The following COL11A1 variants were observed in gnomAD, a reference collection of about 807,000 sequenced individuals.
COL11A1 encodes collagen alpha-1(XI) chain.
A neutral mutation model predicts 265.2 loss-of-function variants in COL11A1; 74 were observed. The ratio of observed to expected loss-of-function variants is 0.28; its 90% CI spans 0.23 to 0.34. The LOEUF is 0.34. Ranked by LOEUF, COL11A1 falls within the 10% of genes least tolerant of loss-of-function variation. The pLI, the probability that COL11A1 is intolerant of heterozygous loss-of-function variation, is 1.00. For missense variants in COL11A1, 2,165 were observed against 2,263.6 expected (o/e 0.96, Z 0.88); for synonymous variants, 816 against 727.6 (o/e 1.12, Z -1.96).
chr1:102,891,262 A>T (rs1190035749), intron 57 of COL11A1, among the ~76,000 whole-genome samples: 1 of 152,136 alleles, frequency 6.6e-6, no homozygotes, highest in Non-Finnish European at 1.5e-5. Flanking sequence ...GAAGTTAGAG[A>T]TCATGACTAT....
chr1:102,905,508 T>C (rs1370700341), intron 54 of COL11A1, among the ~76,000 whole-genome samples: 1 of 98,662 alleles, frequency 1.0e-5, no homozygotes, highest in African/African-American at 3.0e-5. Flanking sequence ...AAAGCACCCA[T>C]ATAAGTTAAA....
rs1239789548 is a variant in COL11A1, at chr1:103,022,754, A to G, written c.1233T>C (p.Ile411=). Reference sequence around the variant, plus strand: ...AGTATCAACTTACGCTTGTTTCTGTAATATCAGTTTCTGCTGGTACACCTG... The same window carrying G: ...AGTATCAACTTACGCTTGTTTCTGTGATATCAGTTTCTGCTGGTACACCTG... The part of the protein sequence containing the change: ...FGPGVPAETD[I]TETSINGHGA... The change falls in exon 8 of 67, where the codon ATT becomes ATC. Residue 411 remains isoleucine (I), a synonymous_variant. Coordinates refer to ENST00000370096, the MANE Select transcript of COL11A1 (RefSeq NM_001854.4). 6.2e-7 allele frequency: 1 copy of G among 1,613,628 alleles called. No individual in the cohort carries two copies. Among genetic ancestry groups the G allele is most frequent in the Non-Finnish European group, 8.5e-7 (1 of 1,179,956 alleles).
At chr1:103,006,362 A>C (rs200491394) in intron 15 of COL11A1, 47 bp from the exon 16 acceptor site, 2 of 1,414,258 alleles carry the variant, frequency 1.4e-6, no homozygotes, top group Non-Finnish European at 2.0e-6. Context: ...ATTCTTGATC[A>C]ATAAACTCAA....
chr1:103,001,116 G>A (rs1354695908), intron 24 of COL11A1: 1 of 397,352 alleles, frequency 2.5e-6, no homozygotes, highest in Non-Finnish European at 4.4e-6. Flanking sequence ...AGCTAGGTCT[G>A]AGGGGGTGGA....
intron 12 of COL11A1, 145 bp downstream of exon 12, chr1:103,015,523 A>G (rs1425852937): frequency 3.4e-6 from 2 of 582,538 alleles, no homozygotes; most frequent in Non-Finnish European, 5.8e-6. Flanking sequence ...AATTTCCCTG[A>G]ATTTCCAAAT....
intron 54 of COL11A1, among the ~76,000 whole-genome samples, chr1:102,911,474 T>C (rs867617685): frequency 6.6e-6 from 1 of 152,156 alleles, no homozygotes; most frequent in East Asian, 1.9e-4. Flanking sequence ...ATTTTACTCA[T>C]GTGCCGGTTT....
rs1342033027 is a variant in COL11A1 at position 103,017,822 on chromosome 1, T to C, written c.1411A>G (p.Arg471Gly). ...PTGPPGDPGD[R>G]GPPGRPGLPG... Reference sequence around the variant, plus strand: ...AGATATCATGTCCATTCACTTACCCTATCGCCAGGGTCACCAGGGGGTCCA... The same window carrying C: ...AGATATCATGTCCATTCACTTACCCCATCGCCAGGGTCACCAGGGGGTCCA... Residue 471 changes from arginine (R) to glycine (G), a missense_variant and splice_region_variant, in exon 11 of 67, where the codon AGG becomes GGG. Arg to Gly is a moderately radical substitution (Grantham distance 125). Transcript: ENST00000370096. 6.2e-7 allele frequency: 1 copy of C among 1,612,644 alleles called. No homozygotes were observed. Among genetic ancestry groups the C allele is most frequent in the African/African-American group, 1.3e-5 (1 of 74,998 alleles).
intron 4 of COL11A1, among the ~76,000 whole-genome samples, chr1:103,063,524 A>C (rs1670836483): frequency 6.6e-6 from 1 of 152,164 alleles, no homozygotes; most frequent in African/African-American, 2.4e-5. Context: ...ATGCAAAAAA[A>C]TATCTAAATA....
chr1:102,928,251 TC>T (rs1354133240), intron 46 of COL11A1, among the ~76,000 whole-genome samples: 1 of 145,280 alleles, frequency 6.9e-6, no homozygotes, highest in Non-Finnish European at 1.5e-5. Flanking sequence ...CCCTCCCCTC[TC>T]CCCCCACCCC....
intron 1 of COL11A1, among the ~76,000 whole-genome samples, chr1:103,090,886 C>G (rs1249318824): frequency 6.6e-6 from 1 of 152,068 alleles, no homozygotes; most frequent in Admixed American, 6.5e-5. Flanking sequence ...GTTTTGATCT[C>G]TAAATGTCCA....
chr1:103,003,915 T>C (rs1399062158), intron 20 of COL11A1, among the ~76,000 whole-genome samples: 2 of 152,264 alleles, frequency 1.3e-5, no homozygotes, highest in East Asian at 3.9e-4. Context: ...GGATCTAAAA[T>C]GTGGCGCAAG....
intron 30 of COL11A1, among the ~76,000 whole-genome samples, chr1:102,986,601 T>C (rs12121661): frequency 0.1 from 15,710 of 152,170 alleles, 1,036 homozygotes; most frequent in Non-Finnish European, 0.14. Context: ...TATAGACATA[T>C]ACATATAGAA....
intron 26 of COL11A1, among the ~76,000 whole-genome samples, chr1:102,996,764 T>A (rs1341700540): frequency 6.6e-6 from 1 of 151,856 alleles, no homozygotes; most frequent in African/African-American, 2.4e-5. Context: ...ATAATAAAAT[T>A]GGGGTTACAT....
At chr1:102,942,511 T>A (rs759311289) in intron 42 of COL11A1, among the ~76,000 whole-genome samples, 1 of 152,180 alleles carries the variant, frequency 6.6e-6, no homozygotes, top group Non-Finnish European at 1.5e-5. Context: ...ACTGGAAACA[T>A]TCATCTCTCC....
chr1:103,000,544 C>T (rs772464699), intron 24 of COL11A1, among the ~76,000 whole-genome samples: 12 of 151,748 alleles, frequency 7.9e-5, no homozygotes, highest in Non-Finnish European at 1.6e-4. Context: ...ATGCAAATTA[C>T]AACCACAATG....
intron 5 of COL11A1, among the ~76,000 whole-genome samples, chr1:103,028,448 T>G (rs538457506): frequency 6.6e-6 from 1 of 152,186 alleles, no homozygotes; most frequent in East Asian, 1.9e-4. Flanking sequence ...TCGCAATATA[T>G]ATACATTGCT....
At chr1:102,901,538 C>T (rs1032602300) in intron 54 of COL11A1, among the ~76,000 whole-genome samples, 3 of 151,874 alleles carry the variant, frequency 2.0e-5, no homozygotes, top group Admixed American at 6.6e-5. Context: ...AGAATGCCTA[C>T]GGACAAATTG....
At position 102,987,316 on chromosome 1, in the gene COL11A1, T is replaced by C. The variant is rs12121894; in HGVS notation, c.2502+317A>G. Among the ~76,000 whole-genome samples, 8,440 of 151,566 alleles carry C rather than the reference T, an allele frequency of 0.056. 267 individuals are homozygous for C. The highest frequency in any genetic ancestry group is 0.074 in the Non-Finnish European group (5,006 of 67,838). Reference sequence around the variant, plus strand: ...TCATTTTAATTCTATCCATAAGATATTATATTTTGCTTTAGTGTATATAAT... The same window carrying C: ...TCATTTTAATTCTATCCATAAGATACTATATTTTGCTTTAGTGTATATAAT... On this transcript the variant is annotated intron_variant, in intron 30 of 66. Transcript: ENST00000370096.
intron 4 of COL11A1, among the ~76,000 whole-genome samples, chr1:103,055,834 C>T (rs548736776): frequency 6.6e-6 from 1 of 152,288 alleles, no homozygotes; most frequent in East Asian, 1.9e-4. Flanking sequence ...ATACATTTTT[C>T]ATAAGAAATG....
Sources: gnomAD v4.1 joint callset for allele counts (sites outside exome capture counted in the v4.1 genomes callset) on GRCh38, gnomAD v4.1.1 for gene constraint, MANE v1.5 for transcripts, NCBI Gene and HGNC (gene_info 2026-07-23, HGNC 2026-07-21) for gene names.